ADAM12: variants seen among roughly 807,000 people sequenced by gnomAD.
ADAM12 encodes the protein ADAM metallopeptidase domain 12, also known as disintegrin and metalloproteinase domain-containing protein 12.
Under a neutral mutation model 106.4 loss-of-function variants are expected in ADAM12, and 70 were observed. The ratio of observed to expected loss-of-function variants is 0.66; its 90% CI spans 0.54 to 0.80. The LOEUF is 0.80. Ranked by LOEUF, ADAM12 falls within the 30% of genes least tolerant of loss-of-function variation. The pLI, the probability that ADAM12 is intolerant of heterozygous loss-of-function variation, is 0.00. For missense variants in ADAM12, 1,010 were observed against 1,171.9 expected, an observed-to-expected ratio of 0.86 and a Z score of 2.02; for synonymous variants, 420 against 433.5, an observed-to-expected ratio of 0.97 and a Z score of 0.39.
At position 126,019,678 on chromosome 10, in the gene ADAM12, T is replaced by G. The variant is rs778603998; in HGVS notation, c.2660+17A>C. 3.1e-6 allele frequency: 5 copies of G among 1,610,750 alleles called. No homozygotes were observed. The highest frequency in any genetic ancestry group is 3.3e-4 in the Middle Eastern group (2 of 6,066). ...AGTTTGAGAGAGAAAGAGATGGGCATGGCATGTCACACAAACCTGAGGGGT... is the reference window on the plus strand; with the variant it reads ...AGTTTGAGAGAGAAAGAGATGGGCAGGGCATGTCACACAAACCTGAGGGGT... On this transcript the variant is annotated intron_variant, in intron 22 of 22. Coordinates refer to ENST00000448723, the MANE Select transcript of ADAM12 (RefSeq NM_001288973.2).
intron 11 of ADAM12, among the ~76,000 whole-genome samples, chr10:126,088,625 G>A (rs1014544979): frequency 1.3e-5 from 2 of 151,870 alleles, no homozygotes; most frequent in Non-Finnish European, 2.9e-5. Flanking sequence ...TGGGAGGATT[G>A]CTTGAACCTG....
At chr10:126,169,174 C>A (rs953105901) in intron 3 of ADAM12, among the ~76,000 whole-genome samples, 2 of 152,186 alleles carry the variant, frequency 1.3e-5, no homozygotes, top group African/African-American at 4.8e-5. Context: ...AGTCCACCAC[C>A]CTTCTTATCT....
rs183610784 is a variant in ADAM12 at position 126,038,821 on chromosome 10, C to A, written c.2241-472G>T. Reference sequence around the variant, plus strand: ...AAGGGAAGTAAAGGAGGCAGCTGATCTGGCAGAAATTTAAAACAAGAAACC... The same window carrying A: ...AAGGGAAGTAAAGGAGGCAGCTGATATGGCAGAAATTTAAAACAAGAAACC... On this transcript the variant is annotated intron_variant, in intron 19 of 22. Coordinates refer to ENST00000448723, the MANE Select transcript of ADAM12 (RefSeq NM_001288973.2). Among the ~76,000 whole-genome samples the A allele has an allele frequency of 2.2e-3, 342 of 152,180 alleles. 1 individual carries two copies. Among genetic ancestry groups the A allele is most frequent in the African/African-American group, 5.1e-3 (212 of 41,520 alleles).
At chr10:126,089,024 C>A (rs957827103) in intron 11 of ADAM12, among the ~76,000 whole-genome samples, 1 of 152,064 alleles carries the variant, frequency 6.6e-6, no homozygotes, top group African/African-American at 2.4e-5. Context: ...CCCACATTAT[C>A]CTCAGTGCAC....
At chr10:126,369,576 T>C (rs570905758) in intron 1 of ADAM12, among the ~76,000 whole-genome samples, 1 of 152,138 alleles carries the variant, frequency 6.6e-6, no homozygotes, top group South Asian at 2.1e-4. Flanking sequence ...GCAAAGGCAA[T>C]GAAGACACTG....
intron 19 of ADAM12, among the ~76,000 whole-genome samples, chr10:126,038,899 C>G (rs1590319014): frequency 6.8e-6 from 1 of 147,578 alleles, no homozygotes; most frequent in Non-Finnish European, 1.5e-5. Flanking sequence ...CTGACCTTTG[C>G]TAAAAAAATG....
intron 3 of ADAM12, among the ~76,000 whole-genome samples, chr10:126,172,811 T>C (rs1362378714): frequency 6.6e-6 from 1 of 152,214 alleles, no homozygotes; most frequent in Admixed American, 6.5e-5. Flanking sequence ...TGCACACGTA[T>C]GTTTACTGCA....
Position 126,196,449 on chromosome 10 carries a change from A to G in ADAM12, c.261-41144T>C, listed in dbSNP as rs117157260. ...CATAAACCTTTGACAGATGCTCACT[A>G]TAGGTTTATGTGAGAGCCATGGCTT... On this transcript the variant is annotated intron_variant, in intron 3 of 22. Coordinates refer to ENST00000448723, the MANE Select transcript of ADAM12 (RefSeq NM_001288973.2). Among the ~76,000 whole-genome samples, 299 of 152,262 alleles carry G rather than the reference A, an allele frequency of 2.0e-3. 5 individuals carry two copies. Among genetic ancestry groups the G allele is most frequent in the Admixed American group, 0.013 (201 of 15,304 alleles).
At chr10:126,332,424 AAAG>A (rs1854553914) in intron 1 of ADAM12, among the ~76,000 whole-genome samples, 1 of 152,212 alleles carries the variant, frequency 6.6e-6, no homozygotes, top group East Asian at 1.9e-4. Context: ...AAAACGATGA[AAAG>A]AAGACCATTT....
chr10:126,198,386 C>T (rs1957637355), intron 3 of ADAM12, among the ~76,000 whole-genome samples: 4 of 152,204 alleles, frequency 2.6e-5, no homozygotes, highest in African/African-American at 7.2e-5. Context: ...CAGAAGGGCC[C>T]GGCAAGTCTC....
At chr10:126,297,646 G>T (rs1960443277) in intron 2 of ADAM12, among the ~76,000 whole-genome samples, 1 of 152,196 alleles carries the variant, frequency 6.6e-6, no homozygotes, top group Non-Finnish European at 1.5e-5. Flanking sequence ...TTTGTTTCTG[G>T]TAATGACAGT....
At chr10:126,361,514 C>T (rs1467023933) in intron 1 of ADAM12, among the ~76,000 whole-genome samples, 4 of 152,182 alleles carry the variant, frequency 2.6e-5, no homozygotes, top group African/African-American at 9.7e-5. Flanking sequence ...CTGAAGGCAT[C>T]ACAGTACCTA....
intron 3 of ADAM12, among the ~76,000 whole-genome samples, chr10:126,189,007 T>C (rs1314131083): frequency 6.6e-6 from 1 of 152,196 alleles, no homozygotes; most frequent in Admixed American, 6.5e-5. Context: ...TCCATGAACA[T>C]GTTCTAAGCA....
At chr10:126,336,887 C>A (rs904429975) in intron 1 of ADAM12, among the ~76,000 whole-genome samples, 2 of 152,196 alleles carry the variant, frequency 1.3e-5, no homozygotes, top group Admixed American at 1.3e-4. Flanking sequence ...ATCCACCACA[C>A]GCTCTCAATG....
chr10:126,041,905 T>C (rs1954181266), intron 18 of ADAM12: 1 of 1,407,362 alleles, frequency 7.1e-7, no homozygotes, highest in Non-Finnish European at 9.2e-7. Flanking sequence ...ATGTCCATGT[T>C]TTAGCAGAAG....
At chr10:126,209,679 A>T (rs992101368) in intron 3 of ADAM12, among the ~76,000 whole-genome samples, 1 of 152,200 alleles carries the variant, frequency 6.6e-6, no homozygotes, top group Admixed American at 6.5e-5. Context: ...TAGATATAAA[A>T]AGTTTTCAGA....
chr10:126,052,781 C>T (rs997339182), intron 14 of ADAM12, among the ~76,000 whole-genome samples: 4 of 152,106 alleles, frequency 2.6e-5, no homozygotes, highest in African/African-American at 9.7e-5. Context: ...AAAGGGCTAT[C>T]GTTATGATAG....
chr10:126,166,908 C>T (rs192879728), intron 3 of ADAM12, among the ~76,000 whole-genome samples: 90 of 152,290 alleles, frequency 5.9e-4, no homozygotes, highest in African/African-American at 2.0e-3. Context: ...ACCTGATAAA[C>T]GATTACTTCC....
chr10:126,083,014 G>A (rs959563381), intron 11 of ADAM12, among the ~76,000 whole-genome samples: 2 of 152,246 alleles, frequency 1.3e-5, no homozygotes, highest in Non-Finnish European at 2.9e-5. Flanking sequence ...ACGCCTGGTA[G>A]GCCAGGGCGG....
Sources: allele counts gnomAD v4.1 joint callset (sites outside exome capture counted in the v4.1 genomes callset), GRCh38; gene constraint gnomAD v4.1.1; transcripts MANE v1.5; gene names NCBI Gene and HGNC (gene_info 2026-07-23, HGNC 2026-07-21).